CHD9: variants seen among roughly 807,000 people sequenced by gnomAD.
CHD9 encodes chromodomain helicase DNA binding protein 9, also known as ATP-dependent chromatin remodeler CHD9.
Under a neutral mutation model 316.1 loss-of-function variants are expected in CHD9, and 77 were observed. That is an observed-to-expected ratio of 0.24 (90% CI 0.20 to 0.29). The LOEUF (loss-of-function observed/expected upper bound fraction) is 0.29. Among genes scored for constraint, CHD9 ranks in the 10% least tolerant of loss-of-function variants. The pLI is 1.00. For synonymous variants in CHD9, 1,129 were observed against 1,158.3 expected, an observed-to-expected ratio of 0.97 and a Z score of 0.51; for missense variants, 2,763 against 3,438.1, an observed-to-expected ratio of 0.80 and a Z score of 4.91.
chr16:53,103,904 A>G (rs933558263), intron 1 of CHD9, among the ~76,000 whole-genome samples: 1 of 152,196 alleles, frequency 6.6e-6, no homozygotes, highest in African/African-American at 2.4e-5. Flanking sequence ...TTAAGCTTGT[A>G]TATGAAAAGG....
chr16:53,130,630 C>T (rs1567351872), intron 1 of CHD9, among the ~76,000 whole-genome samples: 1 of 151,528 alleles, frequency 6.6e-6, no homozygotes, highest in Non-Finnish European at 1.5e-5. Context: ...GCCCCGAGGC[C>T]GCCCAGGGCT....
At chr16:53,233,595 C>T (rs1043047634) in intron 10 of CHD9, among the ~76,000 whole-genome samples, 1 of 152,044 alleles carries the variant, frequency 6.6e-6, no homozygotes, top group Non-Finnish European at 1.5e-5. Context: ...TTGACCTTCT[C>T]CCCTTCCTTC....
intron 2 of CHD9, chr16:53,169,131 A>T (rs902866598): frequency 3.3e-5 from 5 of 152,316 alleles, no homozygotes; most frequent in Admixed American, 3.3e-4. Context: ...GGATCGCTTG[A>T]GCATAGGAGG....
intron 1 of CHD9, among the ~76,000 whole-genome samples, chr16:53,136,030 G>A (rs1375991826): frequency 6.6e-6 from 1 of 152,028 alleles, no homozygotes; most frequent in East Asian, 1.9e-4. Flanking sequence ...GCTTGTAAGG[G>A]AGCCTGATAA....
At chr16:53,235,797 G>A (rs1008338299) in intron 11 of CHD9, among the ~76,000 whole-genome samples, 1 of 151,964 alleles carries the variant, frequency 6.6e-6, no homozygotes, top group South Asian at 2.1e-4. Context: ...GTTTTTCAAG[G>A]TTTTCAAAAT....
chr16:53,154,750 C>T (rs779199887), intron 1 of CHD9, among the ~76,000 whole-genome samples: 46 of 152,216 alleles, frequency 3.0e-4, no homozygotes, highest in Non-Finnish European at 4.8e-4. Context: ...GGCTGACCTG[C>T]TGCTCATCTC....
chr16:53,103,160 T>A (rs77628191), intron 1 of CHD9, among the ~76,000 whole-genome samples: 186 of 14,386 alleles, frequency 0.013, 5 homozygotes, highest in Middle Eastern at 0.026. Context: ...CCTGTCTCTT[T>A]AAAAAAAAAA....
At position 53,230,271 on chromosome 16, in the gene CHD9, C is replaced by T. The variant is rs552718940; in HGVS notation, c.2287-1148C>T. ...AATCACTAGATTAAGGTGGTATCTG[C>T]CAGATGTCTTCACTACATAATTACT... is the stretch of plus-strand genomic sequence containing the variant. On this transcript the variant is annotated intron_variant, in intron 8 of 38. Transcript: ENST00000447540. Among the ~76,000 whole-genome samples the T allele has an allele frequency of 1.1e-4, 16 of 152,240 alleles. 1 individual carries two copies. The South Asian group carries it at 3.1e-3, about 30-fold the overall frequency.
chr16:53,157,636 C>T (rs2041611474), intron 2 of CHD9, 95 bp downstream of exon 2: 2 of 1,193,876 alleles, frequency 1.7e-6, no homozygotes, highest in Non-Finnish European at 2.4e-6. Context: ...CAAGATTTCT[C>T]AAACTTGGTA....
chr16:53,317,245 C>T (rs114104536), intron 36 of CHD9, among the ~76,000 whole-genome samples: 1,683 of 150,112 alleles, frequency 0.011, 39 homozygotes, highest in African/African-American at 0.04. Context: ...TTCCAGAGTA[C>T]GTGGAGGAGT....
chr16:53,229,305 A>C (rs62049765), intron 8 of CHD9, among the ~76,000 whole-genome samples: 1 of 152,208 alleles, frequency 6.6e-6, no homozygotes, highest in Admixed American at 6.5e-5. Context: ...AGAATGGTAG[A>C]TCATGCTTGT....
At chr16:53,108,468 G>A (rs1489098504) in intron 1 of CHD9, among the ~76,000 whole-genome samples, 2 of 152,010 alleles carry the variant, frequency 1.3e-5, no homozygotes, top group Admixed American at 1.3e-4. Context: ...TTGCACCAGT[G>A]CACTCCAGCC....
At chr16:53,258,453 T>TCCCAAATAATTTGTTCATTC (rs1453596959) in intron 19 of CHD9, among the ~76,000 whole-genome samples, 5 of 152,144 alleles carry the variant, frequency 3.3e-5, no homozygotes, top group Non-Finnish European at 5.9e-5. Context: ...TTTGTTCATT[T>TCCCAAATAATTTGTTCATTC]CCCAAATAAT....
chr16:53,143,149 C>T (rs1450180041), intron 1 of CHD9, among the ~76,000 whole-genome samples: 9 of 152,120 alleles, frequency 5.9e-5, no homozygotes, highest in Non-Finnish European at 8.8e-5. Flanking sequence ...GCTTTGAGGA[C>T]TGAGTTTCCA....
At chr16:53,315,093 C>G (rs1262934752) in intron 36 of CHD9, 49 bp downstream of exon 36, 2 of 1,299,632 alleles carry the variant, frequency 1.5e-6, no homozygotes, top group East Asian at 4.8e-5. Context: ...TATGAGTTGT[C>G]AGATCTATCA....
At chr16:53,181,987 G>A (rs1326684418) in intron 2 of CHD9, among the ~76,000 whole-genome samples, 1 of 152,136 alleles carries the variant, frequency 6.6e-6, no homozygotes, top group African/African-American at 2.4e-5. Context: ...GCTGAGGCAG[G>A]AGAATCACTT....
At chr16:53,145,993 C>A (rs2152720986) in intron 1 of CHD9, among the ~76,000 whole-genome samples, 1 of 151,944 alleles carries the variant, frequency 6.6e-6, no homozygotes, top group East Asian at 1.9e-4. Context: ...TATGATTGTA[C>A]TTATATGAGT....
intron 2 of CHD9, among the ~76,000 whole-genome samples, chr16:53,172,173 C>G (rs1470629568): frequency 6.6e-6 from 1 of 152,066 alleles, no homozygotes; most frequent in African/African-American, 2.4e-5. Flanking sequence ...TCCCTATTGC[C>G]TCTTTGTAAT....
intron 1 of CHD9, among the ~76,000 whole-genome samples, chr16:53,129,188 G>C (rs1340282858): frequency 6.6e-6 from 1 of 152,158 alleles, no homozygotes; most frequent in African/African-American, 2.4e-5. Flanking sequence ...AAGAAAACAC[G>C]AACGTTCTCT....
Sources: gnomAD v4.1 joint callset for allele counts (sites outside exome capture counted in the v4.1 genomes callset) on GRCh38, gnomAD v4.1.1 for gene constraint, MANE v1.5 for transcripts, NCBI Gene and HGNC (gene_info 2026-07-23, HGNC 2026-07-21) for gene names.